Variants in JAM3 observed in about 807,000 individuals in gnomAD.
The protein encoded by JAM3 is junctional adhesion molecule 3.
In JAM3, 31 loss-of-function variants were observed where a neutral mutation model predicts 39.4. That is an observed-to-expected ratio of 0.79 (90% confidence interval 0.59 to 1.06). JAM3 has a LOEUF of 1.06. Ranked by LOEUF, JAM3 falls within the 50% of genes least tolerant of loss-of-function variation. JAM3 has a pLI of 0.00. For synonymous variants in JAM3, 182 were observed against 148.7 expected, an observed-to-expected ratio of 1.22 and a Z score of -1.63; for missense variants, 455 against 391.4, an observed-to-expected ratio of 1.16 and a Z score of -1.37.
chr11:134,096,937 G>C (rs1941995072), intron 1 of JAM3, among the ~76,000 whole-genome samples: 2 of 151,506 alleles, frequency 1.3e-5, no homozygotes, highest in South Asian at 4.2e-4. Flanking sequence ...AATATTAGCT[G>C]TATGCCCACA....
chr11:134,151,572 G>T lies in JAM3; in HGVS notation c.*2391G>T, dbSNP rs1015967004. 1 of 152,212 alleles carries T rather than the reference G, an allele frequency of 6.6e-6. No individual in the cohort carries two copies. Among genetic ancestry groups the T allele is most frequent in the African/African-American group, 2.4e-5 (1 of 41,454 alleles). The allele number at this position is 152,212 out of a possible 1,614,324, so 9.4% of individuals were successfully genotyped here. On this transcript the variant is annotated 3_prime_UTR_variant, in exon 9 of 9. Coordinates refer to ENST00000299106, the MANE Select transcript of JAM3 (RefSeq NM_032801.5). ...AAGTAGCTGCCTATAACTGAGACTA[G>T]ACGGAAAAGGAATACTCGTGTATTT...
intron 1 of JAM3, among the ~76,000 whole-genome samples, chr11:134,131,592 A>G (rs150397186): frequency 6.6e-6 from 1 of 152,360 alleles, no homozygotes; most frequent in East Asian, 1.9e-4. Context: ...AGGGATTGAC[A>G]GAAACTGTCC....
At chr11:134,103,094 G>A (rs1942107977) in intron 1 of JAM3, among the ~76,000 whole-genome samples, 2 of 152,312 alleles carry the variant, frequency 1.3e-5, no homozygotes, top group Admixed American at 6.5e-5. Flanking sequence ...AGGAAAAAAT[G>A]TTAAGGGCAG....
At chr11:134,086,999 C>A (rs1246005123) in intron 1 of JAM3, among the ~76,000 whole-genome samples, 1 of 152,008 alleles carries the variant, frequency 6.6e-6, no homozygotes, top group Non-Finnish European at 1.5e-5. Context: ...GAGATGAGGT[C>A]TCACTTTGTT....
At chr11:134,069,476 CGGGG>C in intron 1 of JAM3, among the ~76,000 whole-genome samples, 1 of 151,768 alleles carries the variant, frequency 6.6e-6, no homozygotes, top group African/African-American at 2.4e-5. Flanking sequence ...TCTTCTCGGG[CGGGG>C]TCCTGTGCTG....
chr11:134,083,957 G>T (rs192796517), intron 1 of JAM3, among the ~76,000 whole-genome samples: 1 of 152,294 alleles, frequency 6.6e-6, no homozygotes, highest in East Asian at 1.9e-4. Flanking sequence ...GGACTCTAAA[G>T]AAATATTACC....
intron 1 of JAM3, among the ~76,000 whole-genome samples, chr11:134,127,552 T>C (rs1183464899): frequency 1.3e-5 from 2 of 152,006 alleles, no homozygotes; most frequent in African/African-American, 4.8e-5. Flanking sequence ...TACAAAAAAT[T>C]AGCCGGACGT....
intron 1 of JAM3, among the ~76,000 whole-genome samples, chr11:134,091,160 G>A (rs921430522): frequency 3.9e-5 from 6 of 152,090 alleles, no homozygotes; most frequent in Admixed American, 3.3e-4. Context: ...GTCATCTGAG[G>A]ACCAGCCTGG....
chr11:134,113,346 C>G (rs1418798008), intron 1 of JAM3, among the ~76,000 whole-genome samples: 1 of 152,074 alleles, frequency 6.6e-6, no homozygotes, highest in Non-Finnish European at 1.5e-5. Context: ...TCCCCGCTTC[C>G]CCTACCCCAC....
chr11:134,070,211 A>C (rs1457517945), intron 1 of JAM3: 3 of 456,158 alleles, frequency 6.6e-6, no homozygotes, highest in African/African-American at 6.0e-5. Flanking sequence ...CATTCTAAGT[A>C]GTGAAGCCTC....
At chr11:134,097,047 G>C (rs893769425) in intron 1 of JAM3, among the ~76,000 whole-genome samples, 14 of 152,244 alleles carry the variant, frequency 9.2e-5, no homozygotes, top group African/African-American at 3.4e-4. Context: ...CTGGAATGTA[G>C]TCACTGCCCT....
intron 1 of JAM3, among the ~76,000 whole-genome samples, chr11:134,113,632 G>A (rs1942364230): frequency 6.6e-6 from 1 of 152,154 alleles, no homozygotes; most frequent in Non-Finnish European, 1.5e-5. Flanking sequence ...TTGCTATTGT[G>A]AATAGTGCCG....
chr11:134,147,186 G>A (rs1232035845), intron 6 of JAM3, among the ~76,000 whole-genome samples: 3 of 152,122 alleles, frequency 2.0e-5, no homozygotes, highest in African/African-American at 7.2e-5. Flanking sequence ...CAGGCGTGGT[G>A]GCTCACACTA....
intron 4 of JAM3, 145 bp from the exon 5 acceptor site, chr11:134,144,643 TGTCA>T: frequency 4.8e-6 from 4 of 840,572 alleles, no homozygotes; most frequent in Non-Finnish European, 8.0e-6. Flanking sequence ...AGCGGTGGCT[TGTCA>T]GTCTGCAGTT....
intron 1 of JAM3, among the ~76,000 whole-genome samples, chr11:134,096,129 A>G (rs1013734442): frequency 1.1e-4 from 17 of 152,042 alleles, no homozygotes; most frequent in African/African-American, 3.9e-4. Flanking sequence ...GGTGCGCGCC[A>G]CTACACCTGC....
chr11:134,078,666 C>G (rs183002460), intron 1 of JAM3, among the ~76,000 whole-genome samples: 65 of 152,350 alleles, frequency 4.3e-4, no homozygotes, highest in African/African-American at 1.4e-3. Flanking sequence ...CCTGTTTCCC[C>G]TCTCTTAATG....
chr11:134,088,727 C>T (rs760327758), intron 1 of JAM3, among the ~76,000 whole-genome samples: 8 of 111,764 alleles, frequency 7.2e-5, no homozygotes, highest in African/African-American at 1.4e-4. Context: ...TAAAATGTCA[C>T]TTAATTGGGC....
intron 1 of JAM3, among the ~76,000 whole-genome samples, chr11:134,128,489 C>T (rs1202052106): frequency 6.6e-6 from 1 of 152,178 alleles, no homozygotes; most frequent in Non-Finnish European, 1.5e-5. Context: ...ATTGTAATCT[C>T]CATGTGTCAA....
chr11:134,090,549 A>G (rs1488233168), intron 1 of JAM3, among the ~76,000 whole-genome samples: 1 of 151,890 alleles, frequency 6.6e-6, no homozygotes, highest in Admixed American at 6.5e-5. Flanking sequence ...ACTGAATGAT[A>G]GGTAGGAAAG....
Sources: allele counts gnomAD v4.1 joint callset (sites outside exome capture counted in the v4.1 genomes callset), GRCh38; gene constraint gnomAD v4.1.1; transcripts MANE v1.5; gene names NCBI Gene and HGNC (gene_info 2026-07-23, HGNC 2026-07-21).